Variants in GABBR2 observed in about 807,000 individuals in gnomAD.
GABBR2 encodes the protein G-protein coupled receptor 51.
Under a neutral mutation model 105.6 loss-of-function variants are expected in GABBR2, and 23 were observed. That is an observed-to-expected ratio of 0.22 (90% CI 0.16 to 0.31). The LOEUF (loss-of-function observed/expected upper bound fraction) is 0.31. Among genes scored for constraint, GABBR2 ranks in the 10% least tolerant of loss-of-function variants. The pLI, the probability that GABBR2 is intolerant of heterozygous loss-of-function variation, is 1.00. For synonymous variants in GABBR2, 478 were observed against 499.7 expected (o/e 0.96, Z 0.58); for missense variants, 734 against 1,245.5 (o/e 0.59, Z 6.18).
At chr9:98,512,476 T>C (rs1289535054) in intron 3 of GABBR2, among the ~76,000 whole-genome samples, 8 of 152,036 alleles carry the variant, frequency 5.3e-5, no homozygotes, top group Admixed American at 3.3e-4. Flanking sequence ...TTGTCCCTGT[T>C]TGCAGATGAC....
intron 2 of GABBR2, among the ~76,000 whole-genome samples, chr9:98,574,773 G>A (rs1196340579): frequency 4.6e-5 from 7 of 152,142 alleles, no homozygotes; most frequent in Non-Finnish European, 7.3e-5. Context: ...AGTTTCCAAC[G>A]TTGTGCTTGT....
rs146826726 is a variant in GABBR2 at position 98,352,654 on chromosome 9, G to A, written c.1893+10061C>T. 4.7e-3 allele frequency among the ~76,000 whole-genome samples: 718 copies of A among 152,234 alleles called. 3 individuals are homozygous for A. The highest frequency in any genetic ancestry group is 8.0e-3 in the Non-Finnish European group (547 of 68,006). On this transcript the variant is annotated intron_variant, in intron 13 of 18. Coordinates refer to ENST00000259455, the MANE Select transcript of GABBR2 (RefSeq NM_005458.8). The stretch of plus-strand genomic sequence containing the variant: ...TCCCTGAAGGTGTCTGCAGGTGCAT[G>A]AGGGTCCTGCTGCTGGAGGGGGAGG...
At chr9:98,386,212 G>GTTT (rs201485919) in intron 10 of GABBR2, among the ~76,000 whole-genome samples, 2,715 of 136,428 alleles carry the variant, frequency 0.02, 47 homozygotes, top group African/African-American at 0.041. Flanking sequence ...AAGTCAACAG[G>GTTT]TTTTTTTTTT....
Position 98,523,550 on chromosome 9 carries a change from A to C in GABBR2, c.630+18323T>G, listed in dbSNP as rs374184242. Among the ~76,000 whole-genome samples the C allele has an allele frequency of 3.2e-4, 49 of 152,342 alleles. No individual in the cohort carries two copies. In the South Asian group the frequency reaches 9.7e-3, roughly 30 times the overall value. ...GACCATTTGGGAGTAGAGCTCTAAG[A>C]GGAACCCTCTCTGACCTGTGGGGAT... On this transcript the variant is annotated intron_variant, in intron 3 of 18. Coordinates refer to ENST00000259455, the MANE Select transcript of GABBR2 (RefSeq NM_005458.8).
At chr9:98,424,050 A>G (rs1380487137) in intron 7 of GABBR2, among the ~76,000 whole-genome samples, 2 of 152,178 alleles carry the variant, frequency 1.3e-5, no homozygotes, top group Admixed American at 1.3e-4. Flanking sequence ...GAAGTCAGGT[A>G]TCATGATGAA....
intron 4 of GABBR2, among the ~76,000 whole-genome samples, chr9:98,491,029 G>A (rs542728124): frequency 6.6e-6 from 1 of 151,992 alleles, no homozygotes; most frequent in South Asian, 2.1e-4. Context: ...CTGTCCAAGA[G>A]TGAGAGAGAG....
intron 6 of GABBR2, among the ~76,000 whole-genome samples, chr9:98,461,723 C>T (rs1826426836): frequency 6.6e-6 from 1 of 152,142 alleles, no homozygotes. Context: ...AGAAAGGAGG[C>T]TTAATTGGCT....
At chr9:98,583,127 G>A (rs771659021) in intron 1 of GABBR2, among the ~76,000 whole-genome samples, 67 of 152,202 alleles carry the variant, frequency 4.4e-4, no homozygotes, top group Non-Finnish European at 6.9e-4. Context: ...GAGAAACAAC[G>A]TACTGGGCAC....
chr9:98,389,010 G>A lies in GABBR2; in HGVS notation c.1379-6C>T, dbSNP rs1234871368. The A allele has an allele frequency of 6.2e-7, 1 of 1,611,094 alleles. No homozygotes were observed. Among genetic ancestry groups the A allele is most frequent in the East Asian group, 2.2e-5 (1 of 44,820 alleles). On this transcript the variant is annotated splice_region_variant and splice_polypyrimidine_tract_variant and intron_variant, in intron 9 of 18. Transcript: ENST00000259455. ...GTCTTTTGGTGGTTCGGATCCTAGA[G>A]GATCAAGAGAAGACATCAGTGGGAC...
chr9:98,565,755 CT>C (rs1828742855), intron 2 of GABBR2, among the ~76,000 whole-genome samples: 1 of 152,210 alleles, frequency 6.6e-6, no homozygotes. Flanking sequence ...GCTAAGCAAC[CT>C]GCCCCAGGCA....
chr9:98,624,816 C>T lies in GABBR2; in HGVS notation c.322-46744G>A, dbSNP rs569181865. 9.2e-5 allele frequency among the ~76,000 whole-genome samples: 14 copies of T among 152,236 alleles called. No homozygotes were observed. In the South Asian group the frequency reaches 2.1e-3, roughly 23 times the overall value. On this transcript the variant is annotated intron_variant, in intron 1 of 18. Transcript: ENST00000259455. The stretch of plus-strand genomic sequence containing the variant: ...GTGGGCCAGGTAGGAGCCCCGAGCC[C>T]GGGGCAGACAGGGAGGCAGCTTGCA...
At chr9:98,386,897 C>T (rs1342230159) in intron 10 of GABBR2, among the ~76,000 whole-genome samples, 2 of 152,194 alleles carry the variant, frequency 1.3e-5, no homozygotes, top group African/African-American at 4.8e-5. Context: ...TTAGACTCGG[C>T]CACTCCATAA....
At chr9:98,395,819 A>AG (rs759345252) in intron 8 of GABBR2, among the ~76,000 whole-genome samples, 1 of 152,028 alleles carries the variant, frequency 6.6e-6, no homozygotes, top group Non-Finnish European at 1.5e-5. Flanking sequence ...GTTTGAGGGC[A>AG]GGGATAGGGC....
At chr9:98,512,092 G>T (rs1007381698) in intron 3 of GABBR2, among the ~76,000 whole-genome samples, 16 of 151,830 alleles carry the variant, frequency 1.1e-4, no homozygotes, top group African/African-American at 3.9e-4. Context: ...GGGATGCAAG[G>T]CTGGTTCAAC....
chr9:98,545,837 C>T (rs1347063562), intron 2 of GABBR2, among the ~76,000 whole-genome samples: 2 of 152,124 alleles, frequency 1.3e-5, no homozygotes, highest in Non-Finnish European at 2.9e-5. Context: ...ACATGCTCCC[C>T]AGGCCTTCTT....
chr9:98,543,876 G>GT (rs943435157), intron 2 of GABBR2, among the ~76,000 whole-genome samples: 1 of 151,414 alleles, frequency 6.6e-6, no homozygotes, highest in Non-Finnish European at 1.5e-5. Flanking sequence ...GGTAATCACG[G>GT]TTTTTTTTAA....
chr9:98,310,804 A>T (rs1220928475), intron 14 of GABBR2, among the ~76,000 whole-genome samples: 2 of 152,062 alleles, frequency 1.3e-5, no homozygotes, highest in Admixed American at 1.3e-4. Flanking sequence ...CACAGCCACG[A>T]GTTTTTGGGT....
At chr9:98,620,247 T>C (rs200049088) in intron 1 of GABBR2, among the ~76,000 whole-genome samples, 8 of 146,616 alleles carry the variant, frequency 5.5e-5, no homozygotes, top group East Asian at 4.1e-4. Flanking sequence ...TTTTCTCTCT[T>C]TCTCTCTCTC....
At chr9:98,377,509 C>T (rs1441241313) in intron 11 of GABBR2, among the ~76,000 whole-genome samples, 1 of 152,214 alleles carries the variant, frequency 6.6e-6, no homozygotes, top group Non-Finnish European at 1.5e-5. Context: ...TGCCAGTGTA[C>T]ACAACATAGT....
Sources: allele counts gnomAD v4.1 joint callset (sites outside exome capture counted in the v4.1 genomes callset), GRCh38; gene constraint gnomAD v4.1.1; transcripts MANE v1.5; gene names NCBI Gene and HGNC (gene_info 2026-07-23, HGNC 2026-07-21).